Variants in MDFIC2 observed in about 807,000 individuals in gnomAD.
MDFIC2 encodes MyoD family inhibitor domain containing 2.
chr3:70,212,686 A>G (rs1244690233), intron 2 of MDFIC2, among the ~76,000 whole-genome samples: 1 of 152,114 alleles, frequency 6.6e-6, no homozygotes, highest in Non-Finnish European at 1.5e-5. Flanking sequence ...ACTTTGGACA[A>G]TATTCTTCTC....
Position 70,194,545 on chromosome 3 carries a change from C to T in MDFIC2, c.*2381G>A, listed in dbSNP as rs185757695. On this transcript the variant is annotated 3_prime_UTR_variant, in exon 4 of 4. Coordinates refer to ENST00000567252, the MANE Select transcript of MDFIC2 (RefSeq NM_001364677.1). ...AAAGAAATTTCACACTTTGTATAAC[C>T]GACCCTTTCTGTTATAGCACAGTGA... Among the ~76,000 whole-genome samples the T allele has an allele frequency of 7.9e-5, 12 of 152,208 alleles. No homozygotes were observed. Among genetic ancestry groups the T allele is most frequent in the East Asian group, 5.8e-4 (3 of 5,170 alleles).
At chr3:70,263,730 C>A (rs1701889378) in intron 2 of MDFIC2, among the ~76,000 whole-genome samples, 1 of 152,170 alleles carries the variant, frequency 6.6e-6, no homozygotes, top group Non-Finnish European at 1.5e-5. Flanking sequence ...TTTCTATCCT[C>A]TCTGCCTCCC....
chr3:70,255,387 T>C (rs1357268), intron 2 of MDFIC2, among the ~76,000 whole-genome samples: 123,963 of 152,160 alleles, frequency 0.81, 51,087 homozygotes, highest in Non-Finnish European at 0.87. Context: ...TCATAATAAG[T>C]AGATATGGAA....
intron 2 of MDFIC2, among the ~76,000 whole-genome samples, chr3:70,250,025 C>T (rs796750833): frequency 5.3e-5 from 8 of 152,192 alleles, no homozygotes; most frequent in South Asian, 2.1e-4. Context: ...GTTCTGGCTT[C>T]GAGTTGTTTA....
At chr3:70,226,437 T>C (rs1467465116) in intron 2 of MDFIC2, among the ~76,000 whole-genome samples, 1 of 152,166 alleles carries the variant, frequency 6.6e-6, no homozygotes, top group Admixed American at 6.5e-5. Context: ...TCACTGGATC[T>C]TTAAAAATTA....
At chr3:70,260,094 C>T (rs1701851514) in intron 2 of MDFIC2, among the ~76,000 whole-genome samples, 1 of 152,142 alleles carries the variant, frequency 6.6e-6, no homozygotes. Flanking sequence ...AAAACCCAAC[C>T]ATATCAATTG....
chr3:70,311,289 A>G (rs1026644999), intron 2 of MDFIC2, among the ~76,000 whole-genome samples: 1 of 152,196 alleles, frequency 6.6e-6, no homozygotes, highest in African/African-American at 2.4e-5. Context: ...AAATTATAAA[A>G]CCGTGCCTTC....
intron 3 of MDFIC2, chr3:70,205,611 A>T (rs1417989503): frequency 6.6e-6 from 1 of 152,060 alleles, no homozygotes; most frequent in East Asian, 1.9e-4. Flanking sequence ...ATAATCAGAG[A>T]CTAAAATTTA....
intron 2 of MDFIC2, among the ~76,000 whole-genome samples, chr3:70,309,224 G>A (rs1702434604): frequency 6.6e-6 from 1 of 152,086 alleles, no homozygotes; most frequent in South Asian, 2.1e-4. Flanking sequence ...TAAGAGCCCT[G>A]CAAATTTGAG....
intron 2 of MDFIC2, among the ~76,000 whole-genome samples, chr3:70,217,166 A>G (rs1701420021): frequency 2.0e-5 from 3 of 152,124 alleles, no homozygotes; most frequent in Admixed American, 6.6e-5. Flanking sequence ...GCTATATCCT[A>G]AAAGAGGACC....
intron 2 of MDFIC2, among the ~76,000 whole-genome samples, chr3:70,291,572 T>G (rs1481981979): frequency 6.6e-6 from 1 of 152,160 alleles, no homozygotes; most frequent in Non-Finnish European, 1.5e-5. Flanking sequence ...AGGGACAATA[T>G]GTTAATACTT....
chr3:70,295,232 G>T (rs1702277992), intron 2 of MDFIC2, among the ~76,000 whole-genome samples: 1 of 152,092 alleles, frequency 6.6e-6, no homozygotes, highest in South Asian at 2.1e-4. Flanking sequence ...AAGAATGGAG[G>T]ATGGGGAAGC....
rs192241152 is a variant in MDFIC2, at chr3:70,297,016, G to A, written c.88+14870C>T. On this transcript the variant is annotated intron_variant, in intron 2 of 3. Coordinates refer to ENST00000567252, the MANE Select transcript of MDFIC2 (RefSeq NM_001364677.1). ...CAACCGCCTCCCCCACCACACATAC[G>A]CACATACTATGGCTTAACCAAGGTG... Among the ~76,000 whole-genome samples, 6 of 151,720 alleles carry A rather than the reference G, an allele frequency of 4.0e-5. No homozygotes were observed. The South Asian group carries it at 6.2e-4, about 16-fold the overall frequency.
Position 70,265,397 on chromosome 3 carries a change from T to C in MDFIC2, c.88+46489A>G, listed in dbSNP as rs371948713. ...ATTTTGGAGCAAAGGTAAAGGAAGA[T>C]GGAGATTGCAGAGAAGGCAGGAAAT... On this transcript the variant is annotated intron_variant, in intron 2 of 3. Transcript: ENST00000567252. Among the ~76,000 whole-genome samples the C allele has an allele frequency of 3.2e-3, 492 of 152,240 alleles. 4 individuals are homozygous for C. Among genetic ancestry groups the C allele is most frequent in the African/African-American group, 0.011 (472 of 41,532 alleles).
rs193030715 is a variant in MDFIC2 at position 70,278,183 on chromosome 3, T to A, written c.88+33703A>T. On this transcript the variant is annotated intron_variant, in intron 2 of 3. Coordinates refer to ENST00000567252, the MANE Select transcript of MDFIC2 (RefSeq NM_001364677.1). ...TTCTTATATAAATGGGCTCATAGTG[T>A]ATATTCTTTTATTTATATCTAACTT... Among the ~76,000 whole-genome samples the A allele has an allele frequency of 2.6e-5, 4 of 152,322 alleles. No individual in the cohort carries two copies. In the East Asian group the frequency reaches 7.7e-4, roughly 29 times the overall value.
At chr3:70,205,374 T>C (rs1422610506) in intron 3 of MDFIC2, 1 of 152,226 alleles carries the variant, frequency 6.6e-6, no homozygotes, top group East Asian at 1.9e-4. Flanking sequence ...TGCAGGCAAC[T>C]ACAGGCAATT....
intron 2 of MDFIC2, among the ~76,000 whole-genome samples, chr3:70,276,806 C>A (rs1224703023): frequency 6.6e-6 from 1 of 152,134 alleles, no homozygotes; most frequent in African/African-American, 2.4e-5. Flanking sequence ...CCCACTAAGC[C>A]AGAAATATTT....
At chr3:70,218,308 A>G (rs1348861843) in intron 2 of MDFIC2, among the ~76,000 whole-genome samples, 2 of 152,222 alleles carry the variant, frequency 1.3e-5, no homozygotes, top group East Asian at 1.9e-4. Flanking sequence ...ATGTGCCTCC[A>G]TTGTGTATGC....
At chr3:70,268,565 T>C (rs368164025) in intron 2 of MDFIC2, among the ~76,000 whole-genome samples, 11 of 151,484 alleles carry the variant, frequency 7.3e-5, no homozygotes, top group Admixed American at 5.9e-4. Flanking sequence ...TCCAAGGCCA[T>C]AGTTCACATT....
Sources: gnomAD v4.1 joint callset for allele counts (sites outside exome capture counted in the v4.1 genomes callset) on GRCh38, gnomAD v4.1.1 for gene constraint, MANE v1.5 for transcripts, NCBI Gene and HGNC (gene_info 2026-07-23, HGNC 2026-07-21) for gene names.